The following EPB41L4A variants were observed in gnomAD, a reference collection of about 807,000 sequenced individuals.
EPB41L4A encodes band 4.1-like protein 4A.
EPB41L4A carries 100 observed loss-of-function variants against 108.6 expected under a neutral mutation model. The ratio of observed to expected loss-of-function variants is 0.92; its 90% CI spans 0.78 to 1.09. The LOEUF is 1.09. Among genes scored for constraint, EPB41L4A ranks in the 50% least tolerant of loss-of-function variants. The pLI, the probability that EPB41L4A is intolerant of heterozygous loss-of-function variation, is 0.00. For missense variants in EPB41L4A, 1,030 were observed against 842.7 expected, an observed-to-expected ratio of 1.22 and a Z score of -2.75; for synonymous variants, 319 against 289.0, an observed-to-expected ratio of 1.10 and a Z score of -1.05.
chr5:112,372,305 A>G (rs1759543826), intron 1 of EPB41L4A, among the ~76,000 whole-genome samples: 1 of 152,188 alleles, frequency 6.6e-6, no homozygotes, highest in Admixed American at 6.5e-5. Flanking sequence ...AGATTTCATG[A>G]AAACTCACTC....
At chr5:112,207,111 T>G (rs1306844377) in intron 13 of EPB41L4A, 1 of 152,122 alleles carries the variant, frequency 6.6e-6, no homozygotes, top group Non-Finnish European at 1.5e-5. Context: ...TGCAATAGGA[T>G]AGAGAACCCA....
Position 112,210,027 on chromosome 5 carries a change from G to A in EPB41L4A, c.1088-45C>T, listed in dbSNP as rs748167407. The A allele has an allele frequency of 4.3e-6, 5 of 1,166,536 alleles. No homozygotes were observed. The Admixed American group carries it at 6.3e-5, about 15-fold the overall frequency. 72.3% of individuals were successfully genotyped at this position (1,166,536 alleles called of 1,614,324 possible). A position where few individuals can be genotyped will look rare whatever the true frequency, so the allele number is the denominator to read the frequency against. ...AAAGATGGAAGAGAGAGGAAACAGTGATAAGGAAATGAAAGAAACAGAAGA... is the reference window on the plus strand; with the variant it reads ...AAAGATGGAAGAGAGAGGAAACAGTAATAAGGAAATGAAAGAAACAGAAGA... On this transcript the variant is annotated intron_variant, in intron 12 of 22. Coordinates refer to ENST00000261486, the MANE Select transcript of EPB41L4A (RefSeq NM_022140.5).
intron 1 of EPB41L4A, among the ~76,000 whole-genome samples, chr5:112,364,137 C>G (rs1758967176): frequency 6.6e-6 from 1 of 152,190 alleles, no homozygotes; most frequent in Admixed American, 6.5e-5. Context: ...AGCAATTCTT[C>G]AGCCTCAGCC....
chr5:112,280,569 T>A (rs555815658), intron 2 of EPB41L4A, among the ~76,000 whole-genome samples: 1 of 152,196 alleles, frequency 6.6e-6, no homozygotes, highest in Non-Finnish European at 1.5e-5. Context: ...GAGGAAGGAC[T>A]GCTTGAGGCC....
intron 1 of EPB41L4A, among the ~76,000 whole-genome samples, chr5:112,328,095 G>C (rs898796877): frequency 1.3e-5 from 2 of 152,150 alleles, no homozygotes; most frequent in Non-Finnish European, 2.9e-5. Flanking sequence ...AGATCACAAA[G>C]TCAGGAGATC....
intron 1 of EPB41L4A, among the ~76,000 whole-genome samples, chr5:112,405,621 C>G (rs898641443): frequency 2.0e-5 from 3 of 152,182 alleles, no homozygotes; most frequent in African/African-American, 4.8e-5. Flanking sequence ...ACCCTAGAAT[C>G]TGAAATATTT....
At chr5:112,341,930 G>A (rs1757349320) in intron 1 of EPB41L4A, among the ~76,000 whole-genome samples, 1 of 152,266 alleles carries the variant, frequency 6.6e-6, no homozygotes, top group East Asian at 1.9e-4. Context: ...TGAGAAGACA[G>A]TATAACAGTA....
intron 1 of EPB41L4A, among the ~76,000 whole-genome samples, chr5:112,325,918 A>G (rs1348775469): frequency 1.3e-5 from 2 of 152,128 alleles, no homozygotes; most frequent in African/African-American, 4.8e-5. Context: ...TCAGGAGGCT[A>G]AGGTGAGAGG....
At chr5:112,275,906 T>G (rs1752601156) in intron 3 of EPB41L4A, among the ~76,000 whole-genome samples, 1 of 152,154 alleles carries the variant, frequency 6.6e-6, no homozygotes, top group African/African-American at 2.4e-5. Context: ...CATCTGCATG[T>G]GCTCATGTGG....
At chr5:112,275,235 C>G in intron 4 of EPB41L4A, 91 bp downstream of exon 4, 5 of 1,426,900 alleles carry the variant, frequency 3.5e-6, no homozygotes, top group Non-Finnish European at 3.7e-6. Flanking sequence ...GACACACATC[C>G]AAACGTTTAG....
chr5:112,166,431 T>C (rs1760252568), intron 22 of EPB41L4A, among the ~76,000 whole-genome samples: 1 of 152,194 alleles, frequency 6.6e-6, no homozygotes, highest in Admixed American at 6.5e-5. Context: ...TCACTGCATG[T>C]TGGTCTTTCA....
At chr5:112,312,747 A>C (rs1755128905) in intron 1 of EPB41L4A, among the ~76,000 whole-genome samples, 1 of 152,184 alleles carries the variant, frequency 6.6e-6, no homozygotes, top group African/African-American at 2.4e-5. Context: ...CCCTTTGCCC[A>C]ATCAGTATTC....
At chr5:112,262,344 C>G (rs528807638) in intron 7 of EPB41L4A, 150 bp downstream of exon 7, 17 of 642,028 alleles carry the variant, frequency 2.6e-5, no homozygotes, top group African/African-American at 2.4e-4. Context: ...TTAATCCACA[C>G]GAGAGCTGCT....
chr5:112,210,626 A>T lies in EPB41L4A; in HGVS notation c.1088-644T>A, dbSNP rs1762691023. Among the ~76,000 whole-genome samples, 2 of 152,150 alleles carry T rather than the reference A, an allele frequency of 1.3e-5. 1 individual carries two copies. The highest frequency in any genetic ancestry group is 2.9e-5 in the Non-Finnish European group (2 of 68,022). On this transcript the variant is annotated intron_variant, in intron 12 of 22. Coordinates refer to ENST00000261486, the MANE Select transcript of EPB41L4A (RefSeq NM_022140.5). ...GCAGAGGGAGCCCATGGCAGACACA[A>T]TGTTGGAAGTCATGATCGAAATAAA...
chr5:112,224,863 GCTC>G (rs1163246191), intron 12 of EPB41L4A, among the ~76,000 whole-genome samples: 1 of 152,110 alleles, frequency 6.6e-6, no homozygotes, highest in Non-Finnish European at 1.5e-5. Flanking sequence ...CCAAAACAAA[GCTC>G]CTCCACCATA....
rs1760073070 is a variant in EPB41L4A at position 112,163,962 on chromosome 5, A to AG, written c.*1027dup. 1 of 152,220 alleles carries AG rather than the reference A, an allele frequency of 6.6e-6. No homozygotes were observed. Among genetic ancestry groups the AG allele is most frequent in the Admixed American group, 6.5e-5 (1 of 15,268 alleles). The allele number at this position is 152,220 out of a possible 1,614,324, so 9.4% of individuals were successfully genotyped here. ...GCTGTGGAGAGAACTGTACGTGGTA[A>AG]GGGGGAGATATAAGATGTCCTGCAT... On this transcript the variant is annotated 3_prime_UTR_variant, in exon 23 of 23. Transcript: ENST00000261486.
At chr5:112,219,021 TATGAA>T (rs1463207763) in intron 12 of EPB41L4A, among the ~76,000 whole-genome samples, 1 of 152,234 alleles carries the variant, frequency 6.6e-6, no homozygotes, top group Non-Finnish European at 1.5e-5. Context: ...TTTAAAAACA[TATGAA>T]ATGAGTTGTT....
chr5:112,402,641 A>C (rs1761841408), intron 1 of EPB41L4A, among the ~76,000 whole-genome samples: 2 of 152,184 alleles, frequency 1.3e-5, no homozygotes, highest in Admixed American at 1.3e-4. Context: ...ATCACATAAA[A>C]TCACCACCCC....
At chr5:112,210,885 G>A (rs1762705824) in intron 12 of EPB41L4A, among the ~76,000 whole-genome samples, 1 of 151,850 alleles carries the variant, frequency 6.6e-6, no homozygotes, top group Non-Finnish European at 1.5e-5. Context: ...CTTCCTCGGA[G>A]CTACTCCTGC....
Sources: allele counts gnomAD v4.1 joint callset (sites outside exome capture counted in the v4.1 genomes callset), GRCh38; gene constraint gnomAD v4.1.1; transcripts MANE v1.5; gene names NCBI Gene and HGNC (gene_info 2026-07-23, HGNC 2026-07-21).